Variants in MAGOH observed in about 807,000 individuals in gnomAD.
The protein encoded by MAGOH is mago homolog, exon junction complex subunit.
In MAGOH, 3 loss-of-function variants were observed where a neutral mutation model predicts 20.9. The observed-to-expected ratio is 0.14, with a 90% CI of 0.07 to 0.37. MAGOH has a LOEUF of 0.37. Among genes scored for constraint, MAGOH ranks in the 10% least tolerant of loss-of-function variants. The pLI is 1.00. For missense variants in MAGOH, 66 were observed against 178.1 expected, an observed-to-expected ratio of 0.37 and a Z score of 3.58; for synonymous variants, 51 against 61.0, an observed-to-expected ratio of 0.84 and a Z score of 0.76.
chr1:53,229,528 T>C (rs1291862348), intron 3 of MAGOH, among the ~76,000 whole-genome samples: 1 of 152,214 alleles, frequency 6.6e-6, no homozygotes, highest in African/African-American at 2.4e-5. Context: ...GCTGGGATTA[T>C]AGGTATAAGC....
chr1:53,233,485 G>A, intron 3 of MAGOH, 57 bp downstream of exon 3: 1 of 1,176,538 alleles, frequency 8.5e-7, no homozygotes, highest in Admixed American at 1.8e-5. Context: ...GGAGGAGGGA[G>A]TGTGGGGGGT....
In MAGOH at chr1:53,226,943, T is replaced by C; in HGVS notation, c.*102A>G. The C allele has an allele frequency of 1.6e-6, 1 of 643,860 alleles. No homozygotes were observed. Among genetic ancestry groups the C allele is most frequent in the South Asian group, 2.0e-5 (1 of 49,970 alleles). The allele number at this position is 643,860 out of a possible 1,614,324, so 39.9% of individuals were successfully genotyped here. A position where few individuals can be genotyped will look rare whatever the true frequency, so the allele number is the denominator to read the frequency against. ...AATAAAAATTGGATTTTATCACATATTTATTAAAGACAATCATTTATAGTT... is the reference window on the plus strand; with the variant it reads ...AATAAAAATTGGATTTTATCACATACTTATTAAAGACAATCATTTATAGTT... On this transcript the variant is annotated 3_prime_UTR_variant, in exon 5 of 5. Coordinates refer to ENST00000371470, the MANE Select transcript of MAGOH (RefSeq NM_002370.4).
At chr1:53,227,681 C>T (rs574297911) in intron 4 of MAGOH, among the ~76,000 whole-genome samples, 8 of 152,078 alleles carry the variant, frequency 5.3e-5, no homozygotes, top group Non-Finnish European at 1.0e-4. Flanking sequence ...GCTAGGATTA[C>T]AGGCATGCAC....
chr1:53,237,373 G>T (rs961215334), intron 1 of MAGOH, among the ~76,000 whole-genome samples: 18 of 151,208 alleles, frequency 1.2e-4, no homozygotes, highest in Admixed American at 6.6e-4. Context: ...TTTCTTCTCT[G>T]CTTAAAACCT....
intron 1 of MAGOH, 51 bp from the exon 2 acceptor site, chr1:53,235,686 G>A: frequency 1.4e-6 from 2 of 1,451,968 alleles, no homozygotes; most frequent in South Asian, 1.2e-5. Flanking sequence ...TATGAATAAA[G>A]CATCAATACC....
rs1211268587 is a variant in MAGOH, at chr1:53,238,481, A to G, written c.-33T>C. The G allele has an allele frequency of 3.1e-6, 5 of 1,594,670 alleles. No individual in the cohort carries two copies. The highest frequency in any genetic ancestry group is 2.6e-6 in the Non-Finnish European group (3 of 1,162,310). On this transcript the variant is annotated 5_prime_UTR_variant, in exon 1 of 5. Coordinates refer to ENST00000371470, the MANE Select transcript of MAGOH (RefSeq NM_002370.4). ...AAAAGACAACCGAGCCTGAACTTCC[A>G]AGAGCAAGCCGCACTGCCGCCGTCT...
chr1:53,233,237 G>A (rs541199976), intron 3 of MAGOH: 66 of 216,212 alleles, frequency 3.1e-4, no homozygotes, highest in Non-Finnish European at 5.8e-4. Context: ...TACCTTTTCT[G>A]TTAATTCAGT....
At chr1:53,235,825 C>A (rs1023152415) in intron 1 of MAGOH, among the ~76,000 whole-genome samples, 190 bp from the exon 2 acceptor site, 1 of 152,170 alleles carries the variant, frequency 6.6e-6, no homozygotes, top group Non-Finnish European at 1.5e-5. Flanking sequence ...GCTTAAACAG[C>A]CAAATATACA....
intron 1 of MAGOH, 71 bp downstream of exon 1, chr1:53,238,290 A>G (rs1263750980): frequency 2.1e-6 from 3 of 1,412,440 alleles, no homozygotes; most frequent in Non-Finnish European, 2.0e-6. Context: ...CAGATTTCCG[A>G]CCCTCGGCCT....
rs745393352 is a variant in MAGOH, at chr1:53,227,157, A to G, written c.342-13T>C. 4.6e-6 allele frequency: 7 copies of G among 1,531,184 alleles called. No homozygotes were observed. In the Admixed American group the frequency reaches 1.0e-4, roughly 22 times the overall value. 94.8% of individuals were successfully genotyped at this position (1,531,184 alleles called of 1,614,324 possible). On this transcript the variant is annotated splice_polypyrimidine_tract_variant and intron_variant, in intron 4 of 4. Transcript: ENST00000371470. Reference sequence around the variant, plus strand: ...GCCTTCTGGATCCCTAAAATACAAAAGGAAAAAAGTTTAGGCATTAAAACT... The same window carrying G: ...GCCTTCTGGATCCCTAAAATACAAAGGGAAAAAAGTTTAGGCATTAAAACT...
In MAGOH at chr1:53,227,127, C is replaced by T; in HGVS notation, c.359G>A (p.Arg120Gln). ...VNQSKDPEGL[R>Q]VFYYLVQDLK... The stretch of plus-strand genomic sequence containing the variant: ...GTCCTGGACAAGATAATAAAATACT[C>T]GTAAGCCTTCTGGATCCCTAAAATA... Residue 120 changes from arginine (R) to glutamine (Q), a missense_variant, in exon 5 of 5, where the codon CGA becomes CAA. Coordinates refer to ENST00000371470, the MANE Select transcript of MAGOH (RefSeq NM_002370.4). The T allele has an allele frequency of 6.4e-7, 1 of 1,561,888 alleles. No individual in the cohort carries two copies. The highest frequency in any genetic ancestry group is 8.7e-7 in the Non-Finnish European group (1 of 1,153,326).
In MAGOH at chr1:53,228,943, G is replaced by A. The variant is rs528481424; in HGVS notation, c.270C>T (p.Ile90=). The change falls in exon 4 of 5, where the codon ATC becomes ATT. Residue 90 remains isoleucine (I), a synonymous_variant. Transcript: ENST00000371470. ...AAGAAATGTGTTCATCTCCAATGAC[G>A]ATTTCAAGCTCCTAGAAACATTTTA... ...PDRVGRQELE[I]VIGDEHISFT... 6.6e-5 allele frequency: 106 copies of A among 1,610,578 alleles called. No homozygotes were observed. The South Asian group carries it at 8.0e-4, about 12-fold the overall frequency.
chr1:53,230,088 A>G (rs1645578805), intron 3 of MAGOH, among the ~76,000 whole-genome samples: 1 of 152,232 alleles, frequency 6.6e-6, no homozygotes, highest in African/African-American at 2.4e-5. Context: ...TGTGTAGCCT[A>G]CTGGGTGCTG....
chr1:53,228,421 G>A (rs964481237), intron 4 of MAGOH, among the ~76,000 whole-genome samples: 1 of 152,014 alleles, frequency 6.6e-6, no homozygotes, highest in African/African-American at 2.4e-5. Flanking sequence ...GACAGTGGGA[G>A]ACTCCATCTC....
At chr1:53,238,119 T>C (rs1018636647) in intron 1 of MAGOH, among the ~76,000 whole-genome samples, 2 of 152,200 alleles carry the variant, frequency 1.3e-5, no homozygotes, top group Non-Finnish European at 2.9e-5. Flanking sequence ...TTGTCTACCT[T>C]CGCTGCCGTA....
intron 2 of MAGOH, 47 bp from the exon 3 acceptor site, chr1:53,233,699 T>C (rs776730913): frequency 1.7e-6 from 2 of 1,198,644 alleles, no homozygotes; most frequent in Non-Finnish European, 2.5e-6. Flanking sequence ...CCTTAAGCAG[T>C]GCTTTGACTC....
chr1:53,233,735 C>T, intron 2 of MAGOH, 83 bp from the exon 3 acceptor site: 1 of 892,136 alleles, frequency 1.1e-6, no homozygotes, highest in African/African-American at 1.7e-5. Context: ...ATAAAAATAA[C>T]TGTTCCTGCA....
At chr1:53,228,837 A>G (rs760908449) in intron 4 of MAGOH, 35 bp downstream of exon 4, 1 of 1,488,258 alleles carries the variant, frequency 6.7e-7, no homozygotes, top group Non-Finnish European at 9.4e-7. Context: ...GCTCCAAAAC[A>G]GACACAACTG....
intron 3 of MAGOH, among the ~76,000 whole-genome samples, 184 bp from the exon 4 acceptor site, chr1:53,229,138 TAGA>T (rs1030078430): frequency 2.6e-5 from 4 of 151,516 alleles, no homozygotes; most frequent in Non-Finnish European, 4.4e-5. Flanking sequence ...AGCTCATATT[TAGA>T]AGAAGTTGTA....
Sources: allele counts gnomAD v4.1 joint callset (sites outside exome capture counted in the v4.1 genomes callset), GRCh38; gene constraint gnomAD v4.1.1; transcripts MANE v1.5; gene names NCBI Gene and HGNC (gene_info 2026-07-23, HGNC 2026-07-21).